COL4A5: variants seen among roughly 807,000 people sequenced by gnomAD.
COL4A5 encodes collagen alpha-5(IV) chain.
In COL4A5, 26 loss-of-function variants were observed where a neutral mutation model predicts 130.2. That is an observed-to-expected ratio of 0.20 (90% confidence interval 0.15 to 0.28). COL4A5 has a LOEUF of 0.28. COL4A5 is among the 10% of genes least tolerant of loss of function. COL4A5 has a pLI of 1.00. For synonymous variants in COL4A5, 496 were observed against 439.6 expected, an observed-to-expected ratio of 1.13 and a Z score of -1.60; for missense variants, 1,131 against 1,344.3, an observed-to-expected ratio of 0.84 and a Z score of 2.48.
intron 29 of COL4A5, 101 bp from the exon 30 acceptor site, chrX:108,614,810 A>T: frequency 1.7e-6 from 1 of 571,990 alleles, no homozygotes; most frequent in South Asian, 2.4e-5. Flanking sequence ...TGCTGAATGA[A>T]TGCCCAGTTT....
At chrX:108,475,328 G>A (rs764180559) in intron 1 of COL4A5, among the ~76,000 whole-genome samples, 22 of 111,110 alleles carry the variant, frequency 2.0e-4, no homozygotes, top group Admixed American at 6.7e-4. Context: ...GTAGCTTTTT[G>A]TAGATTTTTC....
chrX:108,618,169 G>A (rs1013097940), intron 30 of COL4A5, among the ~76,000 whole-genome samples: 2 of 110,943 alleles, frequency 1.8e-5, no homozygotes, highest in Non-Finnish European at 3.8e-5. Context: ...GAAATTTAGC[G>A]GAACTTTGGG....
At chrX:108,578,546 GA>G (rs758796775) in intron 13 of COL4A5, among the ~76,000 whole-genome samples, 163 bp downstream of exon 13, 22 of 110,711 alleles carry the variant, frequency 2.0e-4, no homozygotes, top group African/African-American at 6.6e-4. Flanking sequence ...CAATAAAGCT[GA>G]AAAAAATAAA....
chrX:108,638,086 C>T (rs1014399852), intron 36 of COL4A5, among the ~76,000 whole-genome samples: 2 of 111,122 alleles, frequency 1.8e-5, no homozygotes, highest in Non-Finnish European at 3.8e-5. Context: ...CTGGATTACC[C>T]TGATACCAAA....
At chrX:108,451,576 T>G (rs2064513048) in intron 1 of COL4A5, among the ~76,000 whole-genome samples, 1 of 110,781 alleles carries the variant, frequency 9.0e-6, no homozygotes, top group African/African-American at 3.3e-5. Flanking sequence ...GGTTTTGATT[T>G]GCATTTCTCT....
At chrX:108,451,828 G>A (rs1443252469) in intron 1 of COL4A5, among the ~76,000 whole-genome samples, 1 of 110,942 alleles carries the variant, frequency 9.0e-6, no homozygotes, top group African/African-American at 3.3e-5. Context: ...TTCTTTTGCC[G>A]TGCAGAAACT....
At chrX:108,660,400 C>T (rs916040516) in intron 37 of COL4A5, among the ~76,000 whole-genome samples, 2 of 111,444 alleles carry the variant, frequency 1.8e-5, no homozygotes, top group East Asian at 2.8e-4. Flanking sequence ...GTTCTTCCAC[C>T]GTCATTTATT....
chrX:108,503,191 G>T (rs1242194672), intron 1 of COL4A5, among the ~76,000 whole-genome samples: 1 of 111,805 alleles, frequency 8.9e-6, no homozygotes, highest in Non-Finnish European at 1.9e-5. Context: ...CATATATGGG[G>T]AAGATAATGG....
intron 37 of COL4A5, among the ~76,000 whole-genome samples, chrX:108,664,437 C>A (rs1037821329): frequency 2.7e-5 from 3 of 111,463 alleles, no homozygotes. Context: ...AGATCTTAGT[C>A]TGAACATAAA....
chrX:108,533,931 T>C (rs1011377529), intron 1 of COL4A5, among the ~76,000 whole-genome samples: 23 of 111,184 alleles, frequency 2.1e-4, no homozygotes, highest in Admixed American at 1.9e-3. Flanking sequence ...ACAAATGGTA[T>C]ATGTAAAATG....
rs756295145 is a variant in COL4A5, at chrX:108,461,118, C to T, written c.81+20912C>T. Among the ~76,000 whole-genome samples, 8 of 111,357 alleles carry T rather than the reference C, an allele frequency of 7.2e-5. No homozygotes were observed. In the South Asian group the frequency reaches 3.0e-3, roughly 42 times the overall value. ...AGTGAGATCAAACTGAAAAAGGTCACCTTTCTTAGAGGCTGAAAAAGAGAT... is the reference window on the plus strand; with the variant it reads ...AGTGAGATCAAACTGAAAAAGGTCATCTTTCTTAGAGGCTGAAAAAGAGAT... On this transcript the variant is annotated intron_variant, in intron 1 of 52. Transcript: ENST00000328300.
intron 1 of COL4A5, among the ~76,000 whole-genome samples, chrX:108,506,890 T>G (rs1272823378): frequency 1.8e-5 from 2 of 110,789 alleles, no homozygotes; most frequent in African/African-American, 6.6e-5. Context: ...GGATTACAGG[T>G]GCAAGCCACC....
At chrX:108,639,836 A>G (rs1053283995) in intron 36 of COL4A5, among the ~76,000 whole-genome samples, 3 of 112,192 alleles carry the variant, frequency 2.7e-5, no homozygotes, top group Admixed American at 9.5e-5. Flanking sequence ...CTACAGTGAG[A>G]TAACACTTCA....
At position 108,602,980 on chromosome X, in the gene COL4A5, A is replaced by G. The variant is rs1433295418; in HGVS notation, c.2163A>G (p.Pro721=). ...ATTTTACAGGCTTTCCTGGAATTCC[A>G]GGACCTCCAGGAGCACCTGGGACAC... The part of the protein sequence containing the change: ...PPGPKGFPGI[P]GPPGAPGTPG... Residue 721 remains proline (P), a synonymous_variant, in exon 28 of 53, where the codon CCA becomes CCG. Transcript: ENST00000328300. The G allele has an allele frequency of 8.5e-7, 1 of 1,183,355 alleles. No homozygotes were observed. Among genetic ancestry groups the G allele is most frequent in the Non-Finnish European group, 1.1e-6 (1 of 876,791 alleles).
chrX:108,666,613 T>C lies in COL4A5; in HGVS notation c.3553+19T>C. 1 of 1,134,018 alleles carries C rather than the reference T, an allele frequency of 8.8e-7. No individual in the cohort carries two copies. Among genetic ancestry groups the C allele is most frequent in the Non-Finnish European group, 1.2e-6 (1 of 835,490 alleles). The allele number at this position is 1,134,018 out of a possible 1,213,427, so 93.5% of individuals were successfully genotyped here. A position where few individuals can be genotyped will look rare whatever the true frequency, so the allele number is the denominator to read the frequency against. Reference sequence around the variant, plus strand: ...GAACCAGGTGCTGTAGTTTTTCATTTTTCCTATTTTTCTAATTTTCTCTGT... The same window carrying C: ...GAACCAGGTGCTGTAGTTTTTCATTCTTCCTATTTTTCTAATTTTCTCTGT... On this transcript the variant is annotated intron_variant, in intron 39 of 52. Coordinates refer to ENST00000328300, the MANE Select transcript of COL4A5 (RefSeq NM_033380.3).
At chrX:108,679,363 T>C (rs2068377070) in intron 44 of COL4A5, among the ~76,000 whole-genome samples, 2 of 111,788 alleles carry the variant, frequency 1.8e-5, no homozygotes, top group Non-Finnish European at 3.8e-5. Context: ...CCACATATAC[T>C]AGTCAGTCCT....
chrX:108,647,937 G>C (rs2067637041), intron 36 of COL4A5, among the ~76,000 whole-genome samples: 2 of 111,530 alleles, frequency 1.8e-5, no homozygotes, highest in Non-Finnish European at 3.8e-5. Flanking sequence ...AAGCCCACTT[G>C]ATCATGGTGG....
At chrX:108,554,047 A>G (rs1037042520) in intron 2 of COL4A5, among the ~76,000 whole-genome samples, 2 of 111,845 alleles carry the variant, frequency 1.8e-5, no homozygotes, top group African/African-American at 6.5e-5. Context: ...CAGAAAGCAG[A>G]TCTCTAATAG....
chrX:108,577,287 G>A (rs752419462), intron 10 of COL4A5, among the ~76,000 whole-genome samples: 1 of 104,510 alleles, frequency 9.6e-6, no homozygotes, highest in Non-Finnish European at 1.9e-5. Context: ...CAGGAAAATC[G>A]CTTGAACCCA....
Sources: allele counts gnomAD v4.1 joint callset (sites outside exome capture counted in the v4.1 genomes callset), GRCh38; gene constraint gnomAD v4.1.1; transcripts MANE v1.5; gene names NCBI Gene and HGNC (gene_info 2026-07-23, HGNC 2026-07-21).